The following LCOR variants were observed in gnomAD, a reference collection of about 807,000 sequenced individuals.
LCOR encodes the protein ligand-dependent corepressor.
LCOR carries 14 observed loss-of-function variants against 64.4 expected under a neutral mutation model. The ratio of observed to expected loss-of-function variants is 0.22; its 90% CI spans 0.14 to 0.34. The LOEUF (loss-of-function observed/expected upper bound fraction) is 0.34, where lower values mean the gene tolerates loss of function less well. LCOR is among the 10% of genes least tolerant of loss of function. The pLI is 1.00. For missense variants in LCOR, 1,686 were observed against 1,765.3 expected (o/e 0.96, Z 0.80); for synonymous variants, 643 against 642.5 (o/e 1.00, Z -0.01).
At chr10:96,872,226 GCAGTGT>G (rs1846083593) in intron 2 of LCOR, among the ~76,000 whole-genome samples, 1 of 152,230 alleles carries the variant, frequency 6.6e-6, no homozygotes, top group African/African-American at 2.4e-5. Context: ...TGCCATTACC[GCAGTGT>G]CAGTAAAAAG....
chr10:96,876,772 C>G (rs913696333), intron 2 of LCOR, among the ~76,000 whole-genome samples: 1 of 152,134 alleles, frequency 6.6e-6, no homozygotes, highest in Non-Finnish European at 1.5e-5. Flanking sequence ...TCACTGCAAT[C>G]TCCGCCTCCC....
intron 2 of LCOR, among the ~76,000 whole-genome samples, chr10:96,855,488 G>A (rs1487271660): frequency 1.3e-5 from 2 of 152,044 alleles, no homozygotes; most frequent in Admixed American, 6.5e-5. Flanking sequence ...AGGCTGGAGT[G>A]CAATGACGCG....
intron 2 of LCOR, among the ~76,000 whole-genome samples, chr10:96,843,601 A>G (rs905309424): frequency 2.6e-5 from 4 of 152,194 alleles, no homozygotes; most frequent in Admixed American, 1.3e-4. Flanking sequence ...AAGGAATTTA[A>G]AATAAATCTT....
At chr10:96,955,305 G>C (rs1435401427) in intron 7 of LCOR, 4 of 1,613,874 alleles carry the variant, frequency 2.5e-6, no homozygotes, top group Non-Finnish European at 3.4e-6. Flanking sequence ...AGAAAACTCT[G>C]CCTTTCCAAA....
intron 2 of LCOR, among the ~76,000 whole-genome samples, chr10:96,849,436 C>T (rs191628353): frequency 6.6e-6 from 1 of 152,292 alleles, no homozygotes; most frequent in African/African-American, 2.4e-5. Flanking sequence ...TCTTGAACTC[C>T]TGACCTCAGG....
At chr10:96,857,301 C>T (rs544655183) in intron 2 of LCOR, among the ~76,000 whole-genome samples, 2 of 152,230 alleles carry the variant, frequency 1.3e-5, no homozygotes, top group African/African-American at 4.8e-5. Context: ...CCAAAGCCAT[C>T]CCCTGTACTT....
chr10:96,907,555 C>A, intron 3 of LCOR, 113 bp from the exon 4 acceptor site: 1 of 321,388 alleles, frequency 3.1e-6, no homozygotes, highest in Non-Finnish European at 4.5e-6. Flanking sequence ...ATTTTTAAGA[C>A]AAATATGGCC....
intron 4 of LCOR, among the ~76,000 whole-genome samples, chr10:96,937,951 T>C (rs537937323): frequency 2.0e-5 from 3 of 152,178 alleles, no homozygotes; most frequent in Non-Finnish European, 4.4e-5. Context: ...TTTATTTATT[T>C]ATTTATTATT....
intron 2 of LCOR, among the ~76,000 whole-genome samples, chr10:96,901,062 G>A (rs529502341): frequency 1.1e-4 from 17 of 151,994 alleles, no homozygotes; most frequent in South Asian, 8.3e-4. Flanking sequence ...GGTGGCGGGC[G>A]CCTATAGTCG....
intron 4 of LCOR, among the ~76,000 whole-genome samples, chr10:96,918,542 T>A (rs958258899): frequency 3.3e-5 from 5 of 152,098 alleles, no homozygotes; most frequent in Non-Finnish European, 7.4e-5. Context: ...AGGATTTAAG[T>A]AAAGATTTTG....
intron 2 of LCOR, among the ~76,000 whole-genome samples, chr10:96,901,502 A>G (rs953014053): frequency 1.3e-5 from 2 of 151,968 alleles, no homozygotes; most frequent in Non-Finnish European, 2.9e-5. Flanking sequence ...TTCCCCTCCA[A>G]CCCCCTAGTG....
chr10:96,908,906 G>A (rs1229364579), intron 4 of LCOR, among the ~76,000 whole-genome samples: 6 of 151,764 alleles, frequency 4.0e-5, no homozygotes, highest in East Asian at 1.9e-4. Context: ...TAGTAGAGAC[G>A]GGGTTTCACT....
At chr10:96,906,125 C>T (rs747383419) in intron 2 of LCOR, among the ~76,000 whole-genome samples, 1 of 152,156 alleles carries the variant, frequency 6.6e-6, no homozygotes, top group African/African-American at 2.4e-5. Flanking sequence ...ATCTTTTAAG[C>T]ATGGGAGTGC....
intron 4 of LCOR, among the ~76,000 whole-genome samples, chr10:96,908,799 T>TC (rs919732611): frequency 1.3e-5 from 2 of 151,844 alleles, no homozygotes; most frequent in African/African-American, 4.8e-5. Context: ...CACTGCAGGC[T>TC]CCCCCCTCCG....
At position 96,854,112 on chromosome 10, in the gene LCOR, A is replaced by G. The variant is rs1213978402; in HGVS notation, c.-330+20633A>G. Among the ~76,000 whole-genome samples, 5 of 152,310 alleles carry G rather than the reference A, an allele frequency of 3.3e-5. No homozygotes were observed. In the South Asian group the frequency reaches 1.0e-3, roughly 32 times the overall value. ...TGACAGAAATACGCAAAGAATTTGG[A>G]AATAAGCACCTTTTCAAGCCTCTGC... On this transcript the variant is annotated intron_variant, in intron 2 of 7. Coordinates refer to ENST00000421806, the MANE Select transcript of LCOR (RefSeq NM_001346516.2).
intron 2 of LCOR, among the ~76,000 whole-genome samples, chr10:96,890,168 T>A (rs888271206): frequency 5.9e-5 from 9 of 152,148 alleles, no homozygotes; most frequent in African/African-American, 2.2e-4. Context: ...AGTGGCATGA[T>A]CCTAGTTCAG....
At chr10:96,909,105 C>T (rs1161885623) in intron 4 of LCOR, among the ~76,000 whole-genome samples, 2 of 152,060 alleles carry the variant, frequency 1.3e-5, no homozygotes, top group African/African-American at 4.8e-5. Flanking sequence ...TTCATTTCCA[C>T]AATCATTACT....
intron 2 of LCOR, among the ~76,000 whole-genome samples, chr10:96,873,088 G>A (rs1014102012): frequency 3.9e-5 from 6 of 152,132 alleles, no homozygotes; most frequent in African/African-American, 1.4e-4. Context: ...TGGATGGTTG[G>A]AAGGATAGAC....
At position 96,981,008 on chromosome 10, in the gene LCOR, T is replaced by C; in HGVS notation, c.548T>C (p.Leu183Pro). The change falls in exon 8 of 8, where the codon CTC becomes CCC. Residue 183 changes from leucine (L) to proline (P), a missense_variant. Physicochemically the swap from Leu to Pro is moderately conservative, Grantham distance 98. Coordinates refer to ENST00000421806, the MANE Select transcript of LCOR (RefSeq NM_001346516.2). ...ACTTGCAATGCTGGCTGTGCCCAGC[T>C]CAGCACCAAACATAAGGAAAAAGAT... is the stretch of plus-strand genomic sequence containing the variant. ...VSTCNAGCAQ[L>P]STKHKEKDAL... is the part of the protein sequence containing the mutation. 2.8e-6 allele frequency: 2 copies of C among 703,052 alleles called. No individual in the cohort carries two copies. Among genetic ancestry groups the C allele is most frequent in the Non-Finnish European group, 5.2e-6 (2 of 385,008 alleles). 43.6% of individuals were successfully genotyped at this position (703,052 alleles called of 1,614,324 possible). A position where few individuals can be genotyped will look rare whatever the true frequency, so the allele number is the denominator to read the frequency against.
Sources: gnomAD v4.1 joint callset for allele counts (sites outside exome capture counted in the v4.1 genomes callset) on GRCh38, gnomAD v4.1.1 for gene constraint, MANE v1.5 for transcripts, NCBI Gene and HGNC (gene_info 2026-07-23, HGNC 2026-07-21) for gene names.